The following CYRIB variants were observed in gnomAD, a reference collection of about 807,000 sequenced individuals.
CYRIB encodes the protein CYFIP-related Rac1 interactor B.
In CYRIB, 8 loss-of-function variants were observed where a neutral mutation model predicts 44.2. The ratio of observed to expected loss-of-function variants is 0.18; its 90% CI spans 0.11 to 0.33. The LOEUF (loss-of-function observed/expected upper bound fraction) is 0.33, where lower values mean the gene tolerates loss of function less well. Ranked by LOEUF, CYRIB falls within the 10% of genes least tolerant of loss-of-function variation. CYRIB has a pLI of 1.00. For missense variants in CYRIB, 185 were observed against 382.8 expected (o/e 0.48, Z 4.31); for synonymous variants, 131 against 127.2 (o/e 1.03, Z -0.20).
intron 1 of CYRIB, among the ~76,000 whole-genome samples, chr8:129,921,654 T>C (rs1589822223): frequency 1.3e-5 from 2 of 152,276 alleles, no homozygotes; most frequent in South Asian, 4.1e-4. Context: ...AAGGATAAAA[T>C]TTAGTATCAC....
At chr8:129,894,829 A>G (rs2067121423) in intron 2 of CYRIB, among the ~76,000 whole-genome samples, 1 of 151,844 alleles carries the variant, frequency 6.6e-6, no homozygotes, top group Non-Finnish European at 1.5e-5. Flanking sequence ...TCTATATTAA[A>G]TTGTTTGAAA....
At chr8:129,901,102 C>A (rs987721971) in intron 2 of CYRIB, among the ~76,000 whole-genome samples, 1 of 152,228 alleles carries the variant, frequency 6.6e-6, no homozygotes, top group Non-Finnish European at 1.5e-5. Context: ...TACAGGCACA[C>A]GCCACCACAC....
chr8:129,945,089 C>T (rs2094039793), intron 2 of CYRIB, among the ~76,000 whole-genome samples: 2 of 151,990 alleles, frequency 1.3e-5, no homozygotes, highest in South Asian at 2.1e-4. Flanking sequence ...GTGTGGCCTC[C>T]GGGGAAGCTG....
At chr8:129,969,131 A>G (rs929979099) in intron 2 of CYRIB, among the ~76,000 whole-genome samples, 1 of 144,232 alleles carries the variant, frequency 6.9e-6, no homozygotes, top group East Asian at 2.0e-4. Context: ...CTCCTGCCTC[A>G]GCCTCCTGAG....
chr8:129,868,022 A>AT, intron 4 of CYRIB, among the ~76,000 whole-genome samples: 1 of 152,170 alleles, frequency 6.6e-6, no homozygotes, highest in East Asian at 1.9e-4. Flanking sequence ...AAAGCTGACC[A>AT]TTTTTTCTGT....
At chr8:129,902,712 T>C (rs914630282) in intron 2 of CYRIB, among the ~76,000 whole-genome samples, 6 of 152,158 alleles carry the variant, frequency 3.9e-5, no homozygotes, top group Admixed American at 1.3e-4. Flanking sequence ...AAGCTAGTCA[T>C]TTTCACTTAA....
intron 1 of CYRIB, among the ~76,000 whole-genome samples, chr8:130,012,446 A>G (rs1437327474): frequency 6.6e-6 from 1 of 152,220 alleles, no homozygotes; most frequent in East Asian, 1.9e-4. Context: ...AGGGTAAGAC[A>G]TTGGATGCAG....
chr8:129,973,748 C>T (rs918471913), intron 1 of CYRIB, among the ~76,000 whole-genome samples: 2 of 152,130 alleles, frequency 1.3e-5, no homozygotes, highest in Non-Finnish European at 2.9e-5. Flanking sequence ...ATCACTTGAG[C>T]CTTGGAGTTC....
chr8:129,881,783 C>T (rs1228668817), intron 2 of CYRIB, among the ~76,000 whole-genome samples: 1 of 152,142 alleles, frequency 6.6e-6, no homozygotes, highest in African/African-American at 2.4e-5. Context: ...ATACTTTACA[C>T]AAGTGGATTA....
intron 1 of CYRIB, among the ~76,000 whole-genome samples, chr8:129,908,171 A>G (rs2076364988): frequency 6.6e-6 from 1 of 152,202 alleles, no homozygotes; most frequent in Non-Finnish European, 1.5e-5. Flanking sequence ...ATGCTAAAAT[A>G]TAAAGCACTA....
chr8:129,903,660 A>T (rs748312406), intron 1 of CYRIB, among the ~76,000 whole-genome samples: 20 of 152,210 alleles, frequency 1.3e-4, no homozygotes, highest in African/African-American at 4.3e-4. Context: ...TAGCTTATGA[A>T]GCAAAGGGTA....
At chr8:129,947,071 T>A (rs939271839) in intron 2 of CYRIB, among the ~76,000 whole-genome samples, 8 of 152,094 alleles carry the variant, frequency 5.3e-5, no homozygotes, top group African/African-American at 9.7e-5. Context: ...TTTATTTTTT[T>A]TTTTGAGACA....
intron 1 of CYRIB, among the ~76,000 whole-genome samples, chr8:129,988,785 T>G (rs74989943): frequency 0.012 from 1,825 of 152,140 alleles, 38 homozygotes; most frequent in African/African-American, 0.042. Flanking sequence ...GGGGTTTTTT[T>G]TTCTCCTTGT....
chr8:129,921,242 T>C (rs902624190), intron 1 of CYRIB, among the ~76,000 whole-genome samples: 1 of 152,218 alleles, frequency 6.6e-6, no homozygotes, highest in Non-Finnish European at 1.5e-5. Flanking sequence ...TTTTCAGAAT[T>C]TGAGATTCAT....
At chr8:129,973,592 G>A (rs752212831) in intron 1 of CYRIB, among the ~76,000 whole-genome samples, 1 of 152,186 alleles carries the variant, frequency 6.6e-6, no homozygotes, top group Non-Finnish European at 1.5e-5. Flanking sequence ...ACCACCTCAC[G>A]TGGACTCCTG....
chr8:129,912,598 G>A (rs1030892599), intron 1 of CYRIB: 3 of 152,134 alleles, frequency 2.0e-5, no homozygotes, highest in Non-Finnish European at 2.9e-5. Flanking sequence ...GGGGAGGACT[G>A]GGAACAGAGA....
chr8:129,932,554 C>T (rs757356724), intron 1 of CYRIB, among the ~76,000 whole-genome samples: 5 of 152,136 alleles, frequency 3.3e-5, no homozygotes, highest in Non-Finnish European at 7.4e-5. Context: ...AAAACCAGTG[C>T]AAATGCTGAT....
At chr8:129,890,906 TA>T (rs565568710) in intron 2 of CYRIB, among the ~76,000 whole-genome samples, 35 of 128,330 alleles carry the variant, frequency 2.7e-4, no homozygotes, top group South Asian at 4.9e-4. Flanking sequence ...AGATAAAATT[TA>T]AAAAAAAAAA....
At chr8:129,992,134 A>G (rs146275821) in intron 1 of CYRIB, among the ~76,000 whole-genome samples, 116 of 151,928 alleles carry the variant, frequency 7.6e-4, no homozygotes, top group African/African-American at 2.8e-3. Context: ...CAGCCTGGGC[A>G]ACATAGCGAG....
Sources: allele counts gnomAD v4.1 joint callset (sites outside exome capture counted in the v4.1 genomes callset), GRCh38; gene constraint gnomAD v4.1.1; transcripts MANE v1.5; gene names NCBI Gene and HGNC (gene_info 2026-07-23, HGNC 2026-07-21).